PDCL2: variants seen among roughly 807,000 people sequenced by gnomAD.
The protein encoded by PDCL2 is phosducin like 2.
A neutral mutation model predicts 30.3 loss-of-function variants in PDCL2; 23 were observed. The ratio of observed to expected loss-of-function variants is 0.76; its 90% CI spans 0.55 to 1.08. The LOEUF is 1.08. Among genes scored for constraint, PDCL2 ranks in the 50% least tolerant of loss-of-function variants. The pLI, the probability that PDCL2 is intolerant of heterozygous loss-of-function variation, is 0.00. For missense variants in PDCL2, 243 were observed against 282.3 expected, an observed-to-expected ratio of 0.86 and a Z score of 1.00; for synonymous variants, 68 against 86.2, an observed-to-expected ratio of 0.79 and a Z score of 1.17.
At chr4:55,573,457 A>C (rs1732482644) in intron 3 of PDCL2, among the ~76,000 whole-genome samples, 2 of 152,150 alleles carry the variant, frequency 1.3e-5, no homozygotes, top group South Asian at 4.1e-4. Flanking sequence ...GGTGTTTAAT[A>C]ACAGAGATGA....
At chr4:55,560,729 C>A (rs1732110073) in intron 5 of PDCL2, among the ~76,000 whole-genome samples, 1 of 151,968 alleles carries the variant, frequency 6.6e-6, no homozygotes, top group Admixed American at 6.6e-5. Context: ...ATCCTAATGC[C>A]CAAGGTGATG....
intron 1 of PDCL2, among the ~76,000 whole-genome samples, 167 bp from the exon 2 acceptor site, chr4:55,582,404 G>A (rs376711706): frequency 5.3e-5 from 8 of 152,262 alleles, no homozygotes; most frequent in African/African-American, 1.9e-4. Flanking sequence ...CTGCTTCCCA[G>A]CACTAATGGG....
intron 4 of PDCL2, among the ~76,000 whole-genome samples, chr4:55,569,030 T>C (rs1312642408): frequency 6.6e-6 from 1 of 152,192 alleles, no homozygotes; most frequent in Non-Finnish European, 1.5e-5. Context: ...GTTCTTTTGT[T>C]AAGAATCTAT....
At position 55,569,703 on chromosome 4, in the gene PDCL2, T is replaced by C. The variant is rs1389553350; in HGVS notation, c.362+15A>G. 13 of 1,488,126 alleles carry C rather than the reference T, an allele frequency of 8.7e-6. No individual in the cohort carries two copies. Among genetic ancestry groups the C allele is most frequent in the Non-Finnish European group, 1.2e-5 (13 of 1,117,404 alleles). 92.2% of individuals were successfully genotyped at this position (1,488,126 alleles called of 1,614,324 possible). On this transcript the variant is annotated intron_variant, in intron 4 of 5. Coordinates refer to ENST00000295645, the MANE Select transcript of PDCL2 (RefSeq NM_152401.3). ...ATAGTAGTATATTAACATTTTGAAATATTATGGTAATTACCTTGATCTGTA... is the reference window on the plus strand; with the variant it reads ...ATAGTAGTATATTAACATTTTGAAACATTATGGTAATTACCTTGATCTGTA...
At chr4:55,571,702 T>TAAAAAAAAAAAAAAAAAAAA in intron 3 of PDCL2, among the ~76,000 whole-genome samples, 1 of 137,700 alleles carries the variant, frequency 7.3e-6, no homozygotes. Flanking sequence ...AAAAAAAAAT[T>TAAAAAAAAAAAAAAAAAAAA]TTTGACCTTA....
intron 4 of PDCL2, among the ~76,000 whole-genome samples, chr4:55,568,466 CT>C (rs1255407567): frequency 6.6e-6 from 1 of 152,138 alleles, no homozygotes; most frequent in Admixed American, 6.6e-5. Flanking sequence ...CTGCATAATT[CT>C]TGATTGACTC....
intron 5 of PDCL2, among the ~76,000 whole-genome samples, 159 bp from the exon 6 acceptor site, chr4:55,556,870 G>C (rs1731983670): frequency 6.6e-6 from 1 of 151,548 alleles, no homozygotes; most frequent in Non-Finnish European, 1.5e-5. Context: ...GTCTCCCTCT[G>C]TCACCCAGGC....
chr4:55,570,548 T>C (rs1732394860), intron 3 of PDCL2, among the ~76,000 whole-genome samples: 1 of 152,160 alleles, frequency 6.6e-6, no homozygotes, highest in African/African-American at 2.4e-5. Flanking sequence ...TCAGTTTCCC[T>C]AACTGTACAT....
chr4:55,589,480 T>C (rs1732945688), intron 1 of PDCL2, among the ~76,000 whole-genome samples: 1 of 152,210 alleles, frequency 6.6e-6, no homozygotes, highest in East Asian at 1.9e-4. Flanking sequence ...ATGAGAGCTG[T>C]CTTAGGCCGA....
rs537907268 is a variant in PDCL2 at position 55,571,816 on chromosome 4, G to T, written c.219-1955C>A. Among the ~76,000 whole-genome samples the T allele has an allele frequency of 3.5e-4, 53 of 151,026 alleles. 2 individuals are homozygous for T. In the South Asian group the frequency reaches 0.011, roughly 30 times the overall value. On this transcript the variant is annotated intron_variant, in intron 3 of 5. Transcript: ENST00000295645. ...AGAATGCCAAGGATAGTAACCCAAG[G>T]CTGGGGACCTCTCATAGTTTTCAAA...
intron 3 of PDCL2, among the ~76,000 whole-genome samples, chr4:55,577,680 A>T (rs1490792462): frequency 2.0e-5 from 3 of 152,204 alleles, no homozygotes; most frequent in African/African-American, 7.2e-5. Flanking sequence ...ACAGTTCCAG[A>T]ATATCTTTTA....
chr4:55,592,077 G>C, intron 1 of PDCL2, 27 bp downstream of exon 1: 1 of 1,608,890 alleles, frequency 6.2e-7, no homozygotes, highest in Non-Finnish European at 8.5e-7. Flanking sequence ...GGTGTTCCAG[G>C]GTGGCTCGGC....
intron 4 of PDCL2, among the ~76,000 whole-genome samples, chr4:55,568,195 T>C (rs112685696): frequency 0.016 from 2,365 of 152,306 alleles, 18 homozygotes; most frequent in Middle Eastern, 0.054. Context: ...GTTGCTGTCA[T>C]GGCCTCTGTT....
chr4:55,577,379 G>A (rs1198346709), intron 3 of PDCL2, among the ~76,000 whole-genome samples: 2 of 152,140 alleles, frequency 1.3e-5, no homozygotes, highest in Admixed American at 6.5e-5. Context: ...TGGTTTTTAT[G>A]GAGGTTTCAT....
intron 4 of PDCL2, among the ~76,000 whole-genome samples, chr4:55,567,845 A>G (rs1451282611): frequency 1.3e-5 from 2 of 152,206 alleles, no homozygotes; most frequent in Non-Finnish European, 2.9e-5. Flanking sequence ...TCTTCTGGGC[A>G]GCTATCCTCA....
intron 5 of PDCL2, among the ~76,000 whole-genome samples, chr4:55,558,675 A>G (rs2110151044): frequency 6.6e-6 from 1 of 152,352 alleles, no homozygotes; most frequent in Non-Finnish European, 1.5e-5. Context: ...AGAAGAAAGT[A>G]TAGGAGAATA....
chr4:55,570,204 C>G (rs1464373303), intron 3 of PDCL2, among the ~76,000 whole-genome samples: 1 of 152,118 alleles, frequency 6.6e-6, no homozygotes, highest in Admixed American at 6.6e-5. Flanking sequence ...ATAATGATAT[C>G]CAACATTAAC....
intron 4 of PDCL2, among the ~76,000 whole-genome samples, chr4:55,563,832 T>C (rs576154623): frequency 3.9e-5 from 6 of 152,120 alleles, no homozygotes; most frequent in Non-Finnish European, 7.4e-5. Flanking sequence ...GCAAAAGTGG[T>C]GTTGTTATGT....
intron 4 of PDCL2, among the ~76,000 whole-genome samples, chr4:55,565,973 G>GTTTTTTT (rs71194595): frequency 1.6e-3 from 119 of 74,512 alleles, no homozygotes; most frequent in East Asian, 2.7e-3. Flanking sequence ...CCATTTTTCT[G>GTTTTTTT]TTTTTTTTTT....
Sources: allele counts gnomAD v4.1 joint callset (sites outside exome capture counted in the v4.1 genomes callset), GRCh38; gene constraint gnomAD v4.1.1; transcripts MANE v1.5; gene names NCBI Gene and HGNC (gene_info 2026-07-23, HGNC 2026-07-21).